Variants in CALHM4 observed in about 807,000 individuals in gnomAD.
CALHM4 encodes calcium homeostasis modulator protein 4.
In CALHM4, 16 loss-of-function variants were observed where a neutral mutation model predicts 13.3. The ratio of observed to expected loss-of-function variants is 1.20; its 90% confidence interval spans 0.81 to 1.82. The LOEUF is 1.82. Ranked by LOEUF, CALHM4 falls within the 40% of genes most tolerant of loss-of-function variation. The probability of loss-of-function intolerance (pLI) is 0.00; values close to 1 mark genes in which losing one functional copy is unlikely to be tolerated. For missense variants in CALHM4, 344 were observed against 374.9 expected (o/e 0.92, Z 0.68); for synonymous variants, 127 against 137.1 (o/e 0.93, Z 0.52).
In CALHM4 at chr6:116,560,206, T is replaced by C. The variant is rs1473422984; in HGVS notation, c.*1995T>C. 6.6e-6 allele frequency among the ~76,000 whole-genome samples: 1 copy of C among 152,240 alleles called. No homozygotes were observed. The highest frequency in any genetic ancestry group is 2.4e-5 in the African/African-American group (1 of 41,468). ...TATATTCTTCTGTATTGGAACATACTAGTTAAATGAACACTTTCAACCATG... is the reference window on the plus strand; with the variant it reads ...TATATTCTTCTGTATTGGAACATACCAGTTAAATGAACACTTTCAACCATG... On this transcript the variant is annotated 3_prime_UTR_variant, in exon 2 of 2. Transcript: ENST00000368596.
intron 2 of CALHM4, among the ~76,000 whole-genome samples, chr6:116,544,351 T>A (rs916088196): frequency 6.6e-6 from 1 of 152,094 alleles, no homozygotes; most frequent in South Asian, 2.1e-4. Flanking sequence ...GTGGGCACTA[T>A]TATATATTGA....
intron 1 of CALHM4, among the ~76,000 whole-genome samples, chr6:116,542,762 G>A (rs1773540741): frequency 6.6e-6 from 1 of 152,156 alleles, no homozygotes; most frequent in African/African-American, 2.4e-5. Flanking sequence ...GAAAAGCATA[G>A]TAATGATTAA....
At chr6:116,545,600 T>C (rs894958330) in intron 2 of CALHM4, 1 of 1,295,526 alleles carries the variant, frequency 7.7e-7, no homozygotes. Context: ...TCTTTTTGTT[T>C]TGTTTTTGTA....
At chr6:116,541,865 G>T (rs936018335) in intron 1 of CALHM4, among the ~76,000 whole-genome samples, 2 of 152,108 alleles carry the variant, frequency 1.3e-5, no homozygotes, top group African/African-American at 2.4e-5. Context: ...CTGCAAAGTA[G>T]ATATTTTATA....
At chr6:116,548,898 G>A (rs754331335), upstream of CALHM4, among the ~76,000 whole-genome samples, 1 of 152,206 alleles carries the variant, frequency 6.6e-6, no homozygotes, top group Non-Finnish European at 1.5e-5. Context: ...CATGTTTGAT[G>A]TAGGGTTTCT....
chr6:116,551,565 G>A (rs1774082324), upstream of CALHM4, among the ~76,000 whole-genome samples: 2 of 151,188 alleles, frequency 1.3e-5, no homozygotes, highest in Non-Finnish European at 2.9e-5. Flanking sequence ...TTTTTGCTGA[G>A]TAGTATTCCA....
chr6:116,538,262 C>A (rs1773217108), intron 1 of CALHM4, among the ~76,000 whole-genome samples: 1 of 152,130 alleles, frequency 6.6e-6, no homozygotes, highest in Non-Finnish European at 1.5e-5. Flanking sequence ...CATGTCACTG[C>A]ACTATTCTAA....
At chr6:116,536,483 G>A (rs1265432454) in intron 1 of CALHM4, among the ~76,000 whole-genome samples, 1 of 152,206 alleles carries the variant, frequency 6.6e-6, no homozygotes, top group Non-Finnish European at 1.5e-5. Context: ...AAAGGCAGAG[G>A]CGTGCTGAGT....
Position 116,554,575 on chromosome 6 carries a change from T to A in CALHM4, c.558+224T>A, listed in dbSNP as rs565010753. On this transcript the variant is annotated intron_variant, in intron 1 of 1. Transcript: ENST00000368596. ...AGTCTTGCTTTGCCACTTATTAACC[T>A]GCAAAACCTTGAGTAAAATGGGGAT... Among the ~76,000 whole-genome samples the A allele has an allele frequency of 3.3e-5, 5 of 152,276 alleles. No homozygotes were observed. In the South Asian group the frequency reaches 1.0e-3, roughly 32 times the overall value.
At chr6:116,541,949 A>T (rs1773490389) in intron 1 of CALHM4, among the ~76,000 whole-genome samples, 1 of 152,192 alleles carries the variant, frequency 6.6e-6, no homozygotes, top group African/African-American at 2.4e-5. Context: ...TTAAGGAAAG[A>T]TCTTTCTGCA....
chr6:116,542,467 T>C (rs1773524278), intron 1 of CALHM4, among the ~76,000 whole-genome samples: 1 of 152,166 alleles, frequency 6.6e-6, no homozygotes, highest in Admixed American at 6.6e-5. Flanking sequence ...AGCTCTAAAA[T>C]GTTAGGCTAA....
chr6:116,550,697 C>T (rs535900877), upstream of CALHM4, among the ~76,000 whole-genome samples: 76 of 152,100 alleles, frequency 5.0e-4, no homozygotes, highest in African/African-American at 1.8e-3. Context: ...CTTTGTATTT[C>T]CTCTTTTTTG....
intron 1 of CALHM4, among the ~76,000 whole-genome samples, chr6:116,530,890 T>A (rs1440011156): frequency 7.7e-6 from 1 of 130,274 alleles, no homozygotes; most frequent in Non-Finnish European, 1.6e-5. Context: ...GGTTCATAGA[T>A]AAAGTGAGAC....
intron 1 of CALHM4, among the ~76,000 whole-genome samples, 172 bp downstream of exon 1, chr6:116,554,523 G>A (rs1477974264): frequency 1.3e-5 from 2 of 151,966 alleles, no homozygotes; most frequent in Non-Finnish European, 2.9e-5. Flanking sequence ...AGGATGTTGG[G>A]CTTTGGAGTC....
intron 1 of CALHM4, among the ~76,000 whole-genome samples, chr6:116,529,658 T>C (rs929209576): frequency 2.2e-4 from 33 of 152,200 alleles, no homozygotes; most frequent in Non-Finnish European, 8.8e-5. Context: ...GGTTGACAGG[T>C]AGGCAGTTGC....
At chr6:116,541,639 A>G (rs768153479) in intron 1 of CALHM4, among the ~76,000 whole-genome samples, 24 of 152,206 alleles carry the variant, frequency 1.6e-4, no homozygotes, top group Admixed American at 1.3e-4. Flanking sequence ...AAAATGGTTT[A>G]TAATTTCAGC....
chr6:116,538,911 T>C (rs1414071843), intron 1 of CALHM4, among the ~76,000 whole-genome samples: 2 of 151,996 alleles, frequency 1.3e-5, no homozygotes, highest in African/African-American at 4.8e-5. Context: ...TGTATTTTTT[T>C]GTAGAGGTGG....
At chr6:116,530,902 C>CATATATAT (rs10557481) in intron 1 of CALHM4, among the ~76,000 whole-genome samples, 36 of 76,480 alleles carry the variant, frequency 4.7e-4, no homozygotes, top group Non-Finnish European at 6.7e-4. Flanking sequence ...AAGTGAGACT[C>CATATATAT]ATATATATAT....
chr6:116,555,888 A>G (rs1190736910), intron 1 of CALHM4, among the ~76,000 whole-genome samples: 2 of 152,186 alleles, frequency 1.3e-5, no homozygotes, highest in Non-Finnish European at 2.9e-5. Flanking sequence ...TATGCCAAAA[A>G]TATCTTTCTA....
Sources: allele counts gnomAD v4.1 joint callset (sites outside exome capture counted in the v4.1 genomes callset), GRCh38; gene constraint gnomAD v4.1.1; transcripts MANE v1.5; gene names NCBI Gene and HGNC (gene_info 2026-07-23, HGNC 2026-07-21).